RASGRF1: variants seen among roughly 807,000 people sequenced by gnomAD.
RASGRF1 encodes the protein Ras protein specific guanine nucleotide releasing factor 1, also known as ras-specific guanine nucleotide-releasing factor 1.
RASGRF1 carries 40 observed loss-of-function variants against 138.7 expected under a neutral mutation model. The observed-to-expected ratio is 0.29, with a 90% CI of 0.22 to 0.38. RASGRF1 has a LOEUF of 0.38. Among genes scored for constraint, RASGRF1 ranks in the 10% least tolerant of loss-of-function variants. The pLI, the probability that RASGRF1 is intolerant of heterozygous loss-of-function variation, is 1.00. For missense variants in RASGRF1, 1,108 were observed against 1,650.4 expected (o/e 0.67, Z 5.69); for synonymous variants, 614 against 663.2 (o/e 0.93, Z 1.14).
At chr15:79,069,455 C>T (rs762218903) in intron 1 of RASGRF1, among the ~76,000 whole-genome samples, 6 of 152,070 alleles carry the variant, frequency 3.9e-5, no homozygotes, top group Non-Finnish European at 7.4e-5. Context: ...CTGTTTTTGT[C>T]CCAATGTAGA....
intron 24 of RASGRF1, chr15:78,979,008 A>C: frequency 7.7e-7 from 1 of 1,293,334 alleles, no homozygotes; most frequent in Non-Finnish European, 1.0e-6. Flanking sequence ...GAGGCAGTGG[A>C]GGCAGCGGTG....
chr15:79,042,536 C>T (rs1439746576), intron 5 of RASGRF1, among the ~76,000 whole-genome samples: 2 of 152,188 alleles, frequency 1.3e-5, no homozygotes, highest in East Asian at 3.8e-4. Flanking sequence ...CTGTAATGAC[C>T]CACACTCATT....
At chr15:79,011,267 G>T (rs1013796004) in intron 13 of RASGRF1, among the ~76,000 whole-genome samples, 1 of 152,022 alleles carries the variant, frequency 6.6e-6, no homozygotes, top group Non-Finnish European at 1.5e-5. Flanking sequence ...CATGTGGATC[G>T]CTGTATTATT....
chr15:78,985,454 G>A (rs551919084), intron 22 of RASGRF1: 614 of 400,588 alleles, frequency 1.5e-3, no homozygotes, highest in Non-Finnish European at 2.4e-3. Context: ...AAATAACAAT[G>A]GGAATCTGTA....
At chr15:79,031,663 A>G in intron 7 of RASGRF1, among the ~76,000 whole-genome samples, 154 bp from the exon 8 acceptor site, 1 of 107,718 alleles carries the variant, frequency 9.3e-6, no homozygotes, top group African/African-American at 3.7e-5. Flanking sequence ...AGAGGGAGGG[A>G]GAGAGAGGTG....
At chr15:79,017,000 G>A (rs1033836579) in intron 12 of RASGRF1, among the ~76,000 whole-genome samples, 6 of 152,228 alleles carry the variant, frequency 3.9e-5, no homozygotes, top group African/African-American at 1.4e-4. Context: ...GCTCCCAGCT[G>A]CTGGGATGGC....
chr15:78,985,284 G>A, intron 22 of RASGRF1, 80 bp from the exon 23 acceptor site: 2 of 1,342,532 alleles, frequency 1.5e-6, no homozygotes, highest in Non-Finnish European at 2.1e-6. Context: ...TTGCAGATAT[G>A]ATTGCCTGCT....
chr15:78,996,365 G>A (rs1047180665), intron 19 of RASGRF1, among the ~76,000 whole-genome samples: 1 of 152,218 alleles, frequency 6.6e-6, no homozygotes, highest in Non-Finnish European at 1.5e-5. Flanking sequence ...GCCACAGCTG[G>A]TGAGTACCAA....
chr15:78,962,874 T>TTAAAA lies in RASGRF1; in HGVS notation c.3682-643_3682-639dup, dbSNP rs201117187. ...CCCCAGCTTGGGTACAGACCTTGTC[T>TTAAAA]TAAAATAAAATAAAATAAAATAAAA... On this transcript the variant is annotated intron_variant, in intron 26 of 26. Coordinates refer to ENST00000558480, the MANE Select transcript of RASGRF1 (RefSeq NM_001145648.3). Among the ~76,000 whole-genome samples, 545 of 152,186 alleles carry TTAAAA rather than the reference T, an allele frequency of 3.6e-3. 15 individuals are homozygous for TTAAAA. In the East Asian group the frequency reaches 0.062, roughly 17 times the overall value.
chr15:79,058,193 C>G, intron 3 of RASGRF1, 141 bp downstream of exon 3: 1 of 1,275,504 alleles, frequency 7.8e-7, no homozygotes, highest in African/African-American at 1.5e-5. Flanking sequence ...CCAGTACCAC[C>G]ACGTCCTAAG....
At chr15:78,969,528 G>A (rs573018347) in intron 26 of RASGRF1, among the ~76,000 whole-genome samples, 1 of 152,252 alleles carries the variant, frequency 6.6e-6, no homozygotes, top group African/African-American at 2.4e-5. Context: ...AATTAGCCGG[G>A]CGTGGTGGCT....
intron 1 of RASGRF1, among the ~76,000 whole-genome samples, chr15:79,082,562 C>T (rs557492178): frequency 1.3e-5 from 2 of 152,282 alleles, no homozygotes; most frequent in South Asian, 2.1e-4. Context: ...CTACCCTGAC[C>T]GACACACCAG....
In RASGRF1 at chr15:78,962,205, A is replaced by G; in HGVS notation, c.3713T>C (p.Val1238Ala). The G allele has an allele frequency of 6.3e-7, 1 of 1,584,454 alleles. No individual in the cohort carries two copies. The highest frequency in any genetic ancestry group is 1.1e-5 in the South Asian group (1 of 87,658). ...VTQYLLDQSF[V>A]MDEESLYESS... ...CTCGTAGAGGCTTTCTTCATCCATT[A>G]CAAAAGATTGGTCCAGTAAATATTG... Residue 1238 changes from valine to alanine, a missense_variant, in exon 27 of 27, where the codon GTA becomes GCA. Physicochemically the swap from Val to Ala is moderately conservative, Grantham distance 64 (BLOSUM62 0). This residue lies in a region of RASGRF1 where 686 missense variants were observed against 976.7 expected (regional missense o/e 0.70). Coordinates refer to ENST00000558480, the MANE Select transcript of RASGRF1 (RefSeq NM_001145648.3).
intron 1 of RASGRF1, among the ~76,000 whole-genome samples, chr15:79,078,149 G>GTGTGTGTGTGTGTGTGCATGTGTCTA: frequency 6.9e-6 from 1 of 145,228 alleles, no homozygotes; most frequent in Non-Finnish European, 1.5e-5. Context: ...GTGTGTGTGT[G>GTGTGTGTGTGTGTGTGCATGTGTCTA]TGTGCATGCA....
intron 13 of RASGRF1, among the ~76,000 whole-genome samples, chr15:79,014,949 AAAC>A (rs1420228901): frequency 2.0e-5 from 3 of 150,722 alleles, no homozygotes; most frequent in Non-Finnish European, 4.4e-5. Context: ...AAAAAACAAA[AAAC>A]AAACAAAACA....
Position 79,027,616 on chromosome 15 carries a change from A to G in RASGRF1, c.1381+125T>C, listed in dbSNP as rs1274602440. 1.3e-6 allele frequency: 1 copy of G among 760,464 alleles called. No individual in the cohort carries two copies. Among genetic ancestry groups the G allele is most frequent in the African/African-American group, 1.7e-5 (1 of 57,772 alleles). The allele number at this position is 760,464 out of a possible 1,614,324, so 47.1% of individuals were successfully genotyped here. On this transcript the variant is annotated intron_variant, in intron 9 of 26. Transcript: ENST00000558480. The surrounding 1 kb of genome is among the most constrained non-coding windows in gnomAD (Gnocchi z 4.8). The stretch of plus-strand genomic sequence containing the variant: ...CGCCAGCAGCCTGGGAATATTCTGC[A>G]ATCACATTGGCAGGTCTTGGCATGT...
intron 24 of RASGRF1, among the ~76,000 whole-genome samples, chr15:78,976,769 C>A (rs2055881490): frequency 6.6e-6 from 1 of 152,252 alleles, no homozygotes; most frequent in African/African-American, 2.4e-5. Context: ...AAGTCCTGAA[C>A]CTTCCATATT....
intron 26 of RASGRF1, among the ~76,000 whole-genome samples, chr15:78,965,708 G>C (rs905419598): frequency 3.9e-5 from 6 of 152,066 alleles, no homozygotes; most frequent in Admixed American, 6.6e-5. Context: ...AAAATTAGTC[G>C]GGCGTGGTGG....
intron 18 of RASGRF1, 62 bp from the exon 19 acceptor site, chr15:78,998,270 G>A: frequency 7.2e-7 from 1 of 1,382,022 alleles, no homozygotes; most frequent in East Asian, 2.3e-5. Flanking sequence ...GCAGTGGTCT[G>A]GGCCCAGGCC....
Sources: gnomAD v4.1 joint callset for allele counts (sites outside exome capture counted in the v4.1 genomes callset) on GRCh38, gnomAD v4.1.1 for gene constraint, gnomAD v4.1.1 regional missense constraint, Gnocchi (gnomAD v3.1) non-coding constraint, MANE v1.5 for transcripts, NCBI Gene and HGNC (gene_info 2026-07-23, HGNC 2026-07-21) for gene names.